SPAG16: variants seen among roughly 807,000 people sequenced by gnomAD.
SPAG16 encodes sperm associated antigen 16.
In SPAG16, 86 loss-of-function variants were observed where a neutral mutation model predicts 80.4. The observed-to-expected ratio is 1.07, with a 90% CI of 0.90 to 1.28. The LOEUF (loss-of-function observed/expected upper bound fraction) is 1.28, where lower values mean the gene tolerates loss of function less well. SPAG16 is among the 50% of genes most tolerant of loss of function. The pLI is 0.00. For synonymous variants in SPAG16, 294 were observed against 265.9 expected (o/e 1.11, Z -1.03); for missense variants, 870 against 765.3 (o/e 1.14, Z -1.61).
At chr2:214,074,747 C>CA (rs1559761415) in intron 13 of SPAG16, among the ~76,000 whole-genome samples, 1 of 151,702 alleles carries the variant, frequency 6.6e-6, no homozygotes. Flanking sequence ...AGTACATATA[C>CA]AAAAAATATT....
chr2:213,804,416 G>T (rs1248588442), intron 10 of SPAG16, among the ~76,000 whole-genome samples: 1 of 152,220 alleles, frequency 6.6e-6, no homozygotes, highest in Non-Finnish European at 1.5e-5. Context: ...GGGCACTGTG[G>T]CTGGCGCCTG....
chr2:214,034,152 A>G (rs2048564290), intron 13 of SPAG16, among the ~76,000 whole-genome samples: 1 of 152,332 alleles, frequency 6.6e-6, no homozygotes, highest in African/African-American at 2.4e-5. Flanking sequence ...TGCAGGTTTC[A>G]TAGAAATACC....
chr2:214,061,680 A>G (rs922602813), intron 13 of SPAG16, among the ~76,000 whole-genome samples: 12 of 146,818 alleles, frequency 8.2e-5, no homozygotes, highest in African/African-American at 3.0e-4. Flanking sequence ...ACCTTCATAG[A>G]AACATCTAGG....
At chr2:213,837,805 A>G (rs2074165753) in intron 10 of SPAG16, among the ~76,000 whole-genome samples, 1 of 152,204 alleles carries the variant, frequency 6.6e-6, no homozygotes, top group Admixed American at 6.5e-5. Context: ...AAGAGTCCAT[A>G]TAAGAGAAAG....
intron 11 of SPAG16, among the ~76,000 whole-genome samples, chr2:213,904,398 G>A (rs192149571): frequency 2.4e-4 from 37 of 151,982 alleles, no homozygotes; most frequent in Admixed American, 5.9e-4. Context: ...ATGCAAAAGC[G>A]GAAACCCATA....
At chr2:214,149,077 GTATATATATA>G in intron 14 of SPAG16, 53 bp from the exon 15 acceptor site, 1 of 237,594 alleles carries the variant, frequency 4.2e-6, no homozygotes, top group Non-Finnish European at 7.3e-6. Context: ...GTGTGTGTGT[GTATATATATA>G]TATATATATA....
chr2:213,841,292 G>A (rs1332315403), intron 10 of SPAG16, among the ~76,000 whole-genome samples: 2 of 152,106 alleles, frequency 1.3e-5, no homozygotes, highest in Non-Finnish European at 2.9e-5. Flanking sequence ...TTTTCACTTG[G>A]TACAAAACCA....
Position 213,698,315 on chromosome 2 carries a change from G to A in SPAG16, c.1071-164170G>A, listed in dbSNP as rs868673020. ...CTCCCTCTATTGCCCAGGCTGGAGT[G>A]TAGTGGCACAATCATGGTTCACTGC... On this transcript the variant is annotated intron_variant, in intron 10 of 15. Coordinates refer to ENST00000331683, the MANE Select transcript of SPAG16 (RefSeq NM_024532.5). Among the ~76,000 whole-genome samples the A allele has an allele frequency of 7.2e-5, 11 of 152,226 alleles. No homozygotes were observed. In the South Asian group the frequency reaches 1.0e-3, roughly 14 times the overall value.
At chr2:214,370,158 C>T (rs1482550348) in intron 15 of SPAG16, among the ~76,000 whole-genome samples, 1 of 152,070 alleles carries the variant, frequency 6.6e-6, no homozygotes, top group African/African-American at 2.4e-5. Context: ...CCTGAGTAAC[C>T]TTGTTTATCC....
At position 213,289,733 on chromosome 2, in the gene SPAG16, G is replaced by C. The variant is rs573668999; in HGVS notation, c.136+5114G>C. ...TTTTAGATTGAGTCTGTGTACGTTG[G>C]CTCTGCAGTGATGGCAAGGATTACA... On this transcript the variant is annotated intron_variant, in intron 1 of 15. Transcript: ENST00000331683. Among the ~76,000 whole-genome samples, 13 of 152,310 alleles carry C rather than the reference G, an allele frequency of 8.5e-5. 1 individual carries two copies. The East Asian group carries it at 2.5e-3, about 29-fold the overall frequency.
chr2:213,913,454 A>G (rs1575534469), intron 11 of SPAG16, among the ~76,000 whole-genome samples: 1 of 151,772 alleles, frequency 6.6e-6, no homozygotes, highest in Non-Finnish European at 1.5e-5. Flanking sequence ...AAGGTTTGCC[A>G]GAGAAATATA....
At chr2:214,176,311 G>A (rs1196009755) in intron 15 of SPAG16, among the ~76,000 whole-genome samples, 1 of 150,736 alleles carries the variant, frequency 6.6e-6, no homozygotes, top group African/African-American at 2.4e-5. Flanking sequence ...GCTAGCTAGA[G>A]GTGCTATAGA....
intron 15 of SPAG16, among the ~76,000 whole-genome samples, chr2:214,245,804 T>C (rs1689798358): frequency 6.6e-6 from 1 of 152,204 alleles, no homozygotes; most frequent in African/African-American, 2.4e-5. Context: ...TGCACTGTTT[T>C]ATTGGGTTAG....
chr2:214,011,538 T>A (rs1468694401), intron 12 of SPAG16, among the ~76,000 whole-genome samples: 1 of 152,196 alleles, frequency 6.6e-6, no homozygotes, highest in Admixed American at 6.5e-5. Context: ...GTTACTGTAA[T>A]GGGAAAGCAG....
chr2:214,072,539 A>C (rs2050837601), intron 13 of SPAG16, among the ~76,000 whole-genome samples: 1 of 152,148 alleles, frequency 6.6e-6, no homozygotes, highest in African/African-American at 2.4e-5. Flanking sequence ...CTAAAGGGAA[A>C]TACTAGACTA....
At chr2:213,833,441 GTA>G (rs1334499570) in intron 10 of SPAG16, among the ~76,000 whole-genome samples, 2 of 3,964 alleles carry the variant, frequency 5.0e-4, no homozygotes, top group Non-Finnish European at 1.8e-3. Flanking sequence ...ATGTGTGTGT[GTA>G]TATATATATA....
At chr2:213,791,040 A>G (rs1465172144) in intron 10 of SPAG16, among the ~76,000 whole-genome samples, 1 of 152,014 alleles carries the variant, frequency 6.6e-6, no homozygotes, top group African/African-American at 2.4e-5. Context: ...GATTTTTTTT[A>G]GAAGCAATTT....
chr2:214,351,861 A>G (rs1460339050), intron 15 of SPAG16, among the ~76,000 whole-genome samples: 1 of 152,004 alleles, frequency 6.6e-6, no homozygotes, highest in Non-Finnish European at 1.5e-5. Flanking sequence ...GTCTTTTTCA[A>G]TGGACTGTGA....
intron 14 of SPAG16, among the ~76,000 whole-genome samples, chr2:214,109,235 C>G (rs2053549613): frequency 6.6e-6 from 1 of 152,098 alleles, no homozygotes; most frequent in Admixed American, 6.6e-5. Flanking sequence ...GTAATAGCAA[C>G]AGAAAATGGA....
Sources: allele counts gnomAD v4.1 joint callset (sites outside exome capture counted in the v4.1 genomes callset), GRCh38; gene constraint gnomAD v4.1.1; transcripts MANE v1.5; gene names NCBI Gene and HGNC (gene_info 2026-07-23, HGNC 2026-07-21).